The following NANS variants were observed in gnomAD, a reference collection of about 807,000 sequenced individuals.
NANS encodes the protein N-acetylneuraminate-9-phosphate synthase.
NANS carries 29 observed loss-of-function variants against 33.3 expected under a neutral mutation model. The observed-to-expected ratio is 0.87, with a 90% confidence interval of 0.65 to 1.19. The LOEUF (loss-of-function observed/expected upper bound fraction) is 1.19. Ranked by LOEUF, NANS falls within the 50% of genes most tolerant of loss-of-function variation. NANS has a pLI of 0.00. For missense variants in NANS, 394 were observed against 461.1 expected (o/e 0.85, Z 1.33); for synonymous variants, 163 against 177.2 (o/e 0.92, Z 0.64).
At chr9:98,061,690 G>T (rs927147441) in intron 2 of NANS, among the ~76,000 whole-genome samples, 31 of 150,660 alleles carry the variant, frequency 2.1e-4, no homozygotes, top group African/African-American at 7.3e-4. Context: ...TGAGGCAGGA[G>T]AATCGCTTGA....
intron 4 of NANS, among the ~76,000 whole-genome samples, chr9:98,078,868 C>T (rs1829717879): frequency 6.7e-6 from 1 of 148,370 alleles, no homozygotes; most frequent in African/African-American, 2.5e-5. Flanking sequence ...TGTCTGTCAA[C>T]AGACATTTGG....
chr9:98,077,374 ATTTT>A (rs76602477), intron 3 of NANS, among the ~76,000 whole-genome samples: 1 of 141,394 alleles, frequency 7.1e-6, no homozygotes, highest in African/African-American at 2.6e-5. Context: ...CTTTTTAAGA[ATTTT>A]TTTTTTTTTT....
chr9:98,061,522 C>G (rs1828979459), intron 2 of NANS, among the ~76,000 whole-genome samples: 1 of 149,382 alleles, frequency 6.7e-6, no homozygotes, highest in African/African-American at 2.5e-5. Flanking sequence ...TGTCTCACAC[C>G]TGTAATCCCA....
intron 2 of NANS, chr9:98,075,389 CGGTG>C (rs1564162581): frequency 7.9e-6 from 1 of 126,246 alleles, no homozygotes; most frequent in Non-Finnish European, 1.6e-5. Flanking sequence ...AGGAAGGAAA[CGGTG>C]GGAGGGAGGG....
chr9:98,057,019 G>A, intron 1 of NANS, 79 bp downstream of exon 1: 2 of 1,444,960 alleles, frequency 1.4e-6, no homozygotes, highest in South Asian at 1.4e-5. Flanking sequence ...AGGGCCACAC[G>A]GCCTCCGCGG....
At chr9:98,062,910 A>C (rs1829026456) in intron 2 of NANS, among the ~76,000 whole-genome samples, 1 of 151,714 alleles carries the variant, frequency 6.6e-6, no homozygotes, top group Non-Finnish European at 1.5e-5. Flanking sequence ...TAAAATTAAA[A>C]AAAGTTTCTT....
chr9:98,081,853 A>C (rs1191574071), intron 5 of NANS: 1 of 152,228 alleles, frequency 6.6e-6, no homozygotes, highest in African/African-American at 2.4e-5. Context: ...AGATGCATCT[A>C]TACCAGGAAA....
At chr9:98,072,086 C>G (rs1003597742) in intron 2 of NANS, among the ~76,000 whole-genome samples, 2 of 152,188 alleles carry the variant, frequency 1.3e-5, no homozygotes, top group Non-Finnish European at 2.9e-5. Context: ...TAGAGTCAGG[C>G]TCTCTGAGCT....
At chr9:98,066,474 C>T (rs777749260) in intron 2 of NANS, among the ~76,000 whole-genome samples, 9 of 152,082 alleles carry the variant, frequency 5.9e-5, no homozygotes, top group African/African-American at 1.2e-4. Context: ...TATTGACACA[C>T]CATCCAATTC....
rs748469401 is a variant in NANS at position 98,080,776 on chromosome 9, G to C, written c.604-40G>C. 6.5e-6 allele frequency: 10 copies of C among 1,539,446 alleles called. 1 individual carries two copies. Among genetic ancestry groups the C allele is most frequent in the Non-Finnish European group, 7.0e-6 (8 of 1,140,916 alleles). ...TCACCTGGAGAATATGCATAAAGCAGCATGATATTTAATGTTATTTTTCTT... is the reference window on the plus strand; with the variant it reads ...TCACCTGGAGAATATGCATAAAGCACCATGATATTTAATGTTATTTTTCTT... On this transcript the variant is annotated intron_variant, in intron 4 of 5. Transcript: ENST00000210444.
At chr9:98,059,394 T>C (rs551526085) in intron 1 of NANS, among the ~76,000 whole-genome samples, 88 of 152,038 alleles carry the variant, frequency 5.8e-4, no homozygotes, top group African/African-American at 2.0e-3. Context: ...CTTTAGTGGG[T>C]TTTAATTACT....
intron 2 of NANS, among the ~76,000 whole-genome samples, chr9:98,070,807 A>ATTT (rs11464981): frequency 4.1e-5 from 6 of 144,734 alleles, no homozygotes; most frequent in Admixed American, 2.1e-4. Flanking sequence ...CTCTTTAGTA[A>ATTT]TTTTTTTTTT....
At chr9:98,057,250 C>T (rs1169683805) in intron 1 of NANS, among the ~76,000 whole-genome samples, 1 of 152,224 alleles carries the variant, frequency 6.6e-6, no homozygotes, top group Non-Finnish European at 1.5e-5. Flanking sequence ...CTGTGGCTCC[C>T]TCCTGCCCGC....
chr9:98,078,479 CCAAATCAAATT>C (rs1829694589), intron 4 of NANS, 132 bp downstream of exon 4: 2 of 1,207,160 alleles, frequency 1.7e-6, no homozygotes, highest in Admixed American at 2.5e-5. Context: ...CTTGCTGTTA[CCAAATCAAATT>C]CGAGCTAAGC....
rs758492001 is a variant in NANS at position 98,078,352 on chromosome 9, G to A, written c.603+5G>A. ...GTCAACCTGCGGGTCATCTCGGTGAGCAGGAGGGAGGGGGTTCCCTTCTTG... is the reference window on the plus strand; with the variant it reads ...GTCAACCTGCGGGTCATCTCGGTGAACAGGAGGGAGGGGGTTCCCTTCTTG... On this transcript the variant is annotated splice_donor_5th_base_variant and intron_variant, in intron 4 of 5. Coordinates refer to ENST00000210444, the MANE Select transcript of NANS (RefSeq NM_018946.4). 1 of 1,613,510 alleles carries A rather than the reference G, an allele frequency of 6.2e-7. No individual in the cohort carries two copies. Among genetic ancestry groups the A allele is most frequent in the East Asian group, 2.2e-5 (1 of 44,872 alleles).
At chr9:98,058,966 T>C (rs1429940642) in intron 1 of NANS, among the ~76,000 whole-genome samples, 1 of 152,172 alleles carries the variant, frequency 6.6e-6, no homozygotes, top group East Asian at 1.9e-4. Flanking sequence ...TACCATCTTA[T>C]GATTTGTCTA....
At chr9:98,074,100 T>G (rs1406834115) in intron 2 of NANS, among the ~76,000 whole-genome samples, 1 of 152,190 alleles carries the variant, frequency 6.6e-6, no homozygotes, top group Admixed American at 6.5e-5. Flanking sequence ...TTAATAAAGT[T>G]CTGAGTCGAA....
At chr9:98,063,839 A>C (rs779785371) in intron 2 of NANS, among the ~76,000 whole-genome samples, 5 of 150,568 alleles carry the variant, frequency 3.3e-5, no homozygotes, top group Admixed American at 6.7e-5. Context: ...CACTGCACCC[A>C]GCCTGTTTTT....
intron 4 of NANS, among the ~76,000 whole-genome samples, chr9:98,080,190 G>C (rs1224132432): frequency 2.0e-5 from 3 of 152,130 alleles, no homozygotes; most frequent in Admixed American, 2.0e-4. Flanking sequence ...CTCCAGCCTT[G>C]GTGACAGAGC....
Sources: allele counts gnomAD v4.1 joint callset (sites outside exome capture counted in the v4.1 genomes callset), GRCh38; gene constraint gnomAD v4.1.1; transcripts MANE v1.5; gene names NCBI Gene and HGNC (gene_info 2026-07-23, HGNC 2026-07-21).